The following CCDC60 variants were observed in gnomAD, a reference collection of about 807,000 sequenced individuals.
CCDC60 encodes the protein coiled-coil domain containing 60.
Under a neutral mutation model 63.5 loss-of-function variants are expected in CCDC60, and 54 were observed. That is an observed-to-expected ratio of 0.85 (90% CI 0.68 to 1.07). The LOEUF (loss-of-function observed/expected upper bound fraction) is 1.07. Among genes scored for constraint, CCDC60 ranks in the 50% least tolerant of loss-of-function variants. The probability of loss-of-function intolerance (pLI) is 0.00; values close to 1 mark genes in which losing one functional copy is unlikely to be tolerated. For missense variants in CCDC60, 651 were observed against 684.3 expected (o/e 0.95, Z 0.54); for synonymous variants, 206 against 238.8 (o/e 0.86, Z 1.27).
At chr12:119,522,683 C>T (rs905332011) in intron 9 of CCDC60, among the ~76,000 whole-genome samples, 4 of 152,170 alleles carry the variant, frequency 2.6e-5, no homozygotes, top group African/African-American at 9.7e-5. Flanking sequence ...ATATACAGGA[C>T]TTGCTGTGGA....
chr12:119,473,702 G>A (rs1297308041), intron 3 of CCDC60, among the ~76,000 whole-genome samples: 5 of 152,164 alleles, frequency 3.3e-5, no homozygotes, highest in South Asian at 2.1e-4. Context: ...GAGAATATAC[G>A]ATGTTTGGTT....
intron 1 of CCDC60, among the ~76,000 whole-genome samples, chr12:119,402,926 G>A (rs949478791): frequency 6.6e-6 from 1 of 152,164 alleles, no homozygotes; most frequent in Non-Finnish European, 1.5e-5. Context: ...CCAATTCAAT[G>A]TGGCCTACGC....
chr12:119,516,602 G>C, intron 7 of CCDC60, 21 bp from the exon 8 acceptor site: 1 of 1,583,964 alleles, frequency 6.3e-7, no homozygotes, highest in Admixed American at 1.7e-5. Context: ...GGTCAAGGGT[G>C]ACCTCTCATA....
chr12:119,465,269 G>A (rs528164047), intron 2 of CCDC60, among the ~76,000 whole-genome samples: 4 of 152,150 alleles, frequency 2.6e-5, no homozygotes, highest in East Asian at 1.9e-4. Context: ...AGCCGAGATC[G>A]CACCACTGCA....
intron 1 of CCDC60, among the ~76,000 whole-genome samples, chr12:119,354,666 CT>C (rs1955698503): frequency 6.6e-6 from 1 of 152,216 alleles, no homozygotes; most frequent in Admixed American, 6.5e-5. Context: ...GCATAAAGAA[CT>C]TGATATCAAG....
chr12:119,473,507 G>A (rs376761518), intron 3 of CCDC60, among the ~76,000 whole-genome samples: 1 of 152,084 alleles, frequency 6.6e-6, no homozygotes, highest in African/African-American at 2.4e-5. Flanking sequence ...TTGGTTACAT[G>A]AATAAGTTCT....
At chr12:119,474,365 A>C (rs2136332938) in intron 3 of CCDC60, among the ~76,000 whole-genome samples, 1 of 152,344 alleles carries the variant, frequency 6.6e-6, no homozygotes, top group Non-Finnish European at 1.5e-5. Flanking sequence ...ACCATTTCCC[A>C]AATTCTGTTC....
intron 1 of CCDC60, among the ~76,000 whole-genome samples, chr12:119,347,662 A>T (rs1338207677): frequency 6.6e-6 from 1 of 152,162 alleles, no homozygotes; most frequent in Non-Finnish European, 1.5e-5. Flanking sequence ...AAGGCCTACA[A>T]ATGTTTTATT....
intron 2 of CCDC60, 38 bp from the exon 3 acceptor site, chr12:119,471,956 T>C: frequency 6.3e-7 from 1 of 1,576,306 alleles, no homozygotes; most frequent in Non-Finnish European, 8.7e-7. Context: ...CCTCCCACCT[T>C]CCTCCCTCTC....
intron 2 of CCDC60, among the ~76,000 whole-genome samples, chr12:119,458,883 A>C (rs984794357): frequency 6.6e-6 from 1 of 152,104 alleles, no homozygotes; most frequent in African/African-American, 2.4e-5. Flanking sequence ...AGTAGCTGGA[A>C]TTAAAGGCAC....
chr12:119,502,663 A>C (rs1195162496), intron 6 of CCDC60, among the ~76,000 whole-genome samples: 1 of 152,182 alleles, frequency 6.6e-6, no homozygotes, highest in Non-Finnish European at 1.5e-5. Context: ...TTGGGAGCAT[A>C]AGATGAAATC....
intron 7 of CCDC60, among the ~76,000 whole-genome samples, chr12:119,506,904 T>G (rs1440653388): frequency 6.6e-6 from 1 of 151,918 alleles, no homozygotes; most frequent in Non-Finnish European, 1.5e-5. Flanking sequence ...TACAGAAAGA[T>G]GGAGAAGGTA....
intron 6 of CCDC60, among the ~76,000 whole-genome samples, chr12:119,501,804 G>T (rs1035711034): frequency 2.0e-5 from 3 of 152,208 alleles, no homozygotes; most frequent in Non-Finnish European, 4.4e-5. Flanking sequence ...TTGCAAAACT[G>T]AATTCAAGTT....
chr12:119,535,154 T>C (rs1952966906), intron 13 of CCDC60, among the ~76,000 whole-genome samples: 2 of 152,208 alleles, frequency 1.3e-5, no homozygotes, highest in Non-Finnish European at 2.9e-5. Flanking sequence ...AGGGTGTATG[T>C]GTCCAGGAAT....
intron 2 of CCDC60, among the ~76,000 whole-genome samples, chr12:119,465,890 CAG>C (rs1318480101): frequency 6.6e-5 from 10 of 152,358 alleles, no homozygotes; most frequent in African/African-American, 2.4e-4. Flanking sequence ...GAATATTTTA[CAG>C]AGTTTGGTTT....
chr12:119,486,010 GC>G (rs1178889158), intron 4 of CCDC60, among the ~76,000 whole-genome samples: 2 of 152,092 alleles, frequency 1.3e-5, no homozygotes, highest in African/African-American at 2.4e-5. Flanking sequence ...GCCCAGGCCT[GC>G]AGGGGCTCCA....
intron 2 of CCDC60, among the ~76,000 whole-genome samples, chr12:119,443,643 A>T (rs2136266349): frequency 1.3e-5 from 2 of 152,350 alleles, no homozygotes; most frequent in South Asian, 4.1e-4. Flanking sequence ...ATATATTTCA[A>T]CAGGTATTAA....
chr12:119,359,552 T>A (rs912535933), intron 1 of CCDC60, among the ~76,000 whole-genome samples: 33 of 144,632 alleles, frequency 2.3e-4, no homozygotes, highest in Non-Finnish European at 3.4e-4. Context: ...TTTTTTTTTT[T>A]ATTGATCATT....
chr12:119,413,784 T>C (rs372897355), intron 1 of CCDC60, among the ~76,000 whole-genome samples: 295 of 152,226 alleles, frequency 1.9e-3, no homozygotes, highest in African/African-American at 6.8e-3. Context: ...CCAGCCCACC[T>C]TGGGGCCTGG....
Sources: allele counts gnomAD v4.1 joint callset (sites outside exome capture counted in the v4.1 genomes callset), GRCh38; gene constraint gnomAD v4.1.1; transcripts MANE v1.5; gene names NCBI Gene and HGNC (gene_info 2026-07-23, HGNC 2026-07-21).